Variants in FBN3 observed in about 807,000 individuals in gnomAD.
FBN3 encodes fibrillin-3.
A neutral mutation model predicts 330.1 loss-of-function variants in FBN3; 234 were observed. That is an observed-to-expected ratio of 0.71 (90% confidence interval 0.64 to 0.79). FBN3 has a LOEUF of 0.79. Ranked by LOEUF, FBN3 falls within the 30% of genes least tolerant of loss-of-function variation. FBN3 has a pLI of 0.00. For missense variants in FBN3, 3,606 were observed against 3,886.9 expected (o/e 0.93, Z 1.92); for synonymous variants, 1,458 against 1,517.3 (o/e 0.96, Z 0.91).
Position 8,106,100 on chromosome 19 carries a change from A to G in FBN3, c.4813+8T>C. The G allele has an allele frequency of 6.2e-7, 1 of 1,614,026 alleles. No homozygotes were observed. The highest frequency in any genetic ancestry group is 1.3e-5 in the African/African-American group (1 of 75,042). On this transcript the variant is annotated splice_region_variant and intron_variant, in intron 38 of 63. Transcript: ENST00000600128. ...GCCTGACCCACCCCAAAGAGAATCCATGCTCACCCTCACAGATGCGGGTGT... is the reference window on the plus strand; with the variant it reads ...GCCTGACCCACCCCAAAGAGAATCCGTGCTCACCCTCACAGATGCGGGTGT...
intron 36 of FBN3, 125 bp from the exon 37 acceptor site, chr19:8,108,363 C>T (rs1029632901): frequency 1.6e-5 from 11 of 699,952 alleles, no homozygotes; most frequent in African/African-American, 5.4e-5. Flanking sequence ...ACTGTACTAA[C>T]GACATCCCCA....
chr19:8,143,497 C>CTT (rs557671451), intron 6 of FBN3, among the ~76,000 whole-genome samples: 13,510 of 125,864 alleles, frequency 0.11, 886 homozygotes, highest in Middle Eastern at 0.15. Context: ...CTTTTCTTTT[C>CTT]TTTTTTTTTT....
In FBN3 at chr19:8,098,292, G is replaced by A. The variant is rs1304774829; in HGVS notation, c.5162-878C>T. On this transcript the variant is annotated intron_variant, in intron 41 of 63. Transcript: ENST00000600128. ...AAAACAATATAAGTGTCCATCAGTAGGGGACTGGAAACAAACTAAGTGTCA... is the reference window on the plus strand; with the variant it reads ...AAAACAATATAAGTGTCCATCAGTAAGGGACTGGAAACAAACTAAGTGTCA... 3.9e-5 allele frequency among the ~76,000 whole-genome samples: 6 copies of A among 152,008 alleles called. No homozygotes were observed. The South Asian group carries it at 8.3e-4, about 21-fold the overall frequency.
chr19:8,071,814 G>A (rs2081518338), intron 63 of FBN3, among the ~76,000 whole-genome samples: 1 of 151,800 alleles, frequency 6.6e-6, no homozygotes, highest in Non-Finnish European at 1.5e-5. Flanking sequence ...GTCACCAGGA[G>A]TGAGGCAGAG....
At chr19:8,111,514 G>T in intron 32 of FBN3, 134 bp downstream of exon 32, 1 of 1,030,798 alleles carries the variant, frequency 9.7e-7, no homozygotes. Flanking sequence ...CGAGGACACA[G>T]CCTCTCCAGC....
At chr19:8,105,976 C>T (rs2082428600) in intron 38 of FBN3, 132 bp downstream of exon 38, 2 of 1,045,016 alleles carry the variant, frequency 1.9e-6, no homozygotes, top group Non-Finnish European at 1.4e-6. Flanking sequence ...CAGATCATGA[C>T]AAAAGAGGAG....
chr19:8,116,856 C>T (rs1568418823), intron 28 of FBN3, 57 bp from the exon 29 acceptor site: 8 of 1,574,564 alleles, frequency 5.1e-6, no homozygotes, highest in Admixed American at 1.7e-5. Flanking sequence ...CCACCCAGTA[C>T]ACATCTGCTC....
At chr19:8,071,483 C>T (rs1280016855) in intron 63 of FBN3, among the ~76,000 whole-genome samples, 1 of 152,142 alleles carries the variant, frequency 6.6e-6, no homozygotes, top group Non-Finnish European at 1.5e-5. Flanking sequence ...AGAAAAGACT[C>T]ACCTCCCCAA....
chr19:8,076,250 G>A (rs867504201), intron 59 of FBN3, among the ~76,000 whole-genome samples: 1,850 of 148,618 alleles, frequency 0.012, 46 homozygotes, highest in African/African-American at 0.044. Context: ...CCGTGTGCGT[G>A]TGTGTGTGTG....
rs1307556682 is a variant in FBN3 at position 8,129,937 on chromosome 19, G to C, written c.2045-572C>G. 6.6e-6 allele frequency among the ~76,000 whole-genome samples: 1 copy of C among 151,228 alleles called. No individual in the cohort carries two copies. Among genetic ancestry groups the C allele is most frequent in the African/African-American group, 2.4e-5 (1 of 41,136 alleles). On this transcript the variant is annotated intron_variant, in intron 16 of 63. Transcript: ENST00000600128. The surrounding 1 kb of genome is among the most constrained non-coding windows in gnomAD (Gnocchi z 4.5). ...TTTTGAGATAGGGTCTCACTCTGTCGCACAGGCTGGAGTGCAGTGGTGCGA... is the reference window on the plus strand; with the variant it reads ...TTTTGAGATAGGGTCTCACTCTGTCCCACAGGCTGGAGTGCAGTGGTGCGA...
At chr19:8,117,324 T>TG (rs1421724418) in intron 27 of FBN3, 33 bp from the exon 28 acceptor site, 3 of 405,100 alleles carry the variant, frequency 7.4e-6, no homozygotes, top group Non-Finnish European at 8.2e-6. Context: ...GGGCTGGGGC[T>TG]GGGGGGAGGG....
intron 38 of FBN3, among the ~76,000 whole-genome samples, chr19:8,104,678 C>A (rs1787508448): frequency 6.6e-6 from 1 of 152,082 alleles, no homozygotes; most frequent in Admixed American, 6.6e-5. Flanking sequence ...GGTCATTACT[C>A]TAGTCCAGGG....
Position 8,091,506 on chromosome 19 carries a change from G to T in FBN3, c.5990C>A (p.Pro1997Gln). The stretch of plus-strand genomic sequence containing the variant: ...ATTGTCAGAGAGGACAAAGCCAGGT[G>T]GGCAGAGGCACTGGAAGCTCCCAGG... ...NSPGSFQCLC[P>Q]PGFVLSDNGH... The change falls in exon 48 of 64, where the codon CCA becomes CAA. Residue 1997 changes from proline to glutamine, a missense_variant. Pro to Gln is a moderately conservative substitution (Grantham distance 76). Coordinates refer to ENST00000600128, the MANE Select transcript of FBN3 (RefSeq NM_032447.5). 1.2e-6 allele frequency: 2 copies of T among 1,614,170 alleles called. No homozygotes were observed. Among genetic ancestry groups the T allele is most frequent in the South Asian group, 1.1e-5 (1 of 91,078 alleles).
intron 55 of FBN3, 43 bp downstream of exon 55, chr19:8,086,157 T>TGGGGGGAACA: frequency 2.5e-6 from 3 of 1,208,652 alleles, no homozygotes; most frequent in Admixed American, 2.4e-5. Flanking sequence ...GGGTGCCACA[T>TGGGGGGAACA]GGTAGGTGGT....
intron 47 of FBN3, 100 bp downstream of exon 47, chr19:8,094,346 C>G (rs548521613): frequency 4.6e-6 from 6 of 1,311,538 alleles, no homozygotes; most frequent in Non-Finnish European, 6.3e-6. Flanking sequence ...TTAAGTACAT[C>G]TCCACCTTCA....
At chr19:8,135,125 C>T (rs1201216180) in intron 13 of FBN3, among the ~76,000 whole-genome samples, 1 of 147,380 alleles carries the variant, frequency 6.8e-6, no homozygotes, top group Non-Finnish European at 1.5e-5. Flanking sequence ...ACTACAGGCA[C>T]CTGCCACCAT....
intron 13 of FBN3, among the ~76,000 whole-genome samples, chr19:8,135,513 G>GTGATCCAC (rs1160530793): frequency 2.0e-5 from 3 of 151,784 alleles, no homozygotes; most frequent in Non-Finnish European, 4.4e-5. Context: ...CCTGACCTCG[G>GTGATCCAC]CCTCCCAAAG....
intron 34 of FBN3, 58 bp downstream of exon 34, chr19:8,110,787 G>C (rs2082561191): frequency 1.2e-6 from 2 of 1,605,788 alleles, no homozygotes; most frequent in East Asian, 4.5e-5. Context: ...AGTGAGCCAT[G>C]TCCCCTGCCC....
intron 8 of FBN3, among the ~76,000 whole-genome samples, chr19:8,139,211 G>A (rs1216967174): frequency 6.6e-6 from 1 of 152,078 alleles, no homozygotes; most frequent in Non-Finnish European, 1.5e-5. Context: ...GCCGGGTGCG[G>A]TGGCGCACAC....
Sources: gnomAD v4.1 joint callset for allele counts (sites outside exome capture counted in the v4.1 genomes callset) on GRCh38, gnomAD v4.1.1 for gene constraint, Gnocchi (gnomAD v3.1) non-coding constraint, MANE v1.5 for transcripts, NCBI Gene and HGNC (gene_info 2026-07-23, HGNC 2026-07-21) for gene names.